The following GNL3 variants were observed in gnomAD, a reference collection of about 807,000 sequenced individuals.
The protein encoded by GNL3 is guanine nucleotide-binding protein-like 3.
GNL3 carries 77 observed loss-of-function variants against 70.6 expected under a neutral mutation model. The ratio of observed to expected loss-of-function variants is 1.09; its 90% CI spans 0.91 to 1.32. The LOEUF is 1.32. Among genes scored for constraint, GNL3 ranks in the 40% most tolerant of loss-of-function variants. The pLI, the probability that GNL3 is intolerant of heterozygous loss-of-function variation, is 0.00. For synonymous variants in GNL3, 252 were observed against 216.1 expected (o/e 1.17, Z -1.46); for missense variants, 634 against 644.0 (o/e 0.98, Z 0.17).
rs762894341 is a variant in GNL3 at position 52,686,057 on chromosome 3, C to T, written c.-36C>T. On this transcript the variant is annotated 5_prime_UTR_variant, in exon 1 of 15. Transcript: ENST00000418458. ...AGTTCACACGTGGCGCCAGCGGAGGCAGGTTGATGTGTTTGTGCTTCCTTC... is the reference window on the plus strand; with the variant it reads ...AGTTCACACGTGGCGCCAGCGGAGGTAGGTTGATGTGTTTGTGCTTCCTTC... 6.3e-6 allele frequency: 6 copies of T among 954,880 alleles called. No individual in the cohort carries two copies. Among genetic ancestry groups the T allele is most frequent in the Admixed American group, 1.7e-5 (1 of 59,248 alleles). The allele number at this position is 954,880 out of a possible 1,614,324, so 59.2% of individuals were successfully genotyped here.
chr3:52,693,627 C>T lies in GNL3; in HGVS notation c.1325-5C>T. ...CTGTTTACATGGGCTTGCTTTCTTTCCCAGCCATCAAGGGCCCTCATTTGG... is the reference window on the plus strand; with the variant it reads ...CTGTTTACATGGGCTTGCTTTCTTTTCCAGCCATCAAGGGCCCTCATTTGG... On this transcript the variant is annotated splice_region_variant and splice_polypyrimidine_tract_variant and intron_variant, in intron 12 of 14. Coordinates refer to ENST00000418458, the MANE Select transcript of GNL3 (RefSeq NM_014366.5). 13 of 1,613,758 alleles carry T rather than the reference C, an allele frequency of 8.1e-6. No homozygotes were observed. Among genetic ancestry groups the T allele is most frequent in the Non-Finnish European group, 1.1e-5 (13 of 1,179,782 alleles).
In GNL3 at chr3:52,691,530, A is replaced by G. The variant is rs977504837; in HGVS notation, c.782-12A>G. ...AATGCTTTTTATATCTGGATTTCCC[A>G]TTTATTTGTAGGTTTCCCAAATGTG... On this transcript the variant is annotated splice_polypyrimidine_tract_variant and intron_variant, in intron 8 of 14. Transcript: ENST00000418458. The G allele has an allele frequency of 4.8e-6, 7 of 1,473,504 alleles. No homozygotes were observed. In the Admixed American group the frequency reaches 6.9e-5, roughly 14 times the overall value. 91.3% of individuals were successfully genotyped at this position (1,473,504 alleles called of 1,614,324 possible). A position where few individuals can be genotyped will look rare whatever the true frequency, so the allele number is the denominator to read the frequency against.
intron 12 of GNL3, 33 bp from the exon 13 acceptor site, chr3:52,693,599 T>G: frequency 6.2e-7 from 1 of 1,613,844 alleles, no homozygotes; most frequent in Non-Finnish European, 8.5e-7. Flanking sequence ...GTGGAGCTCT[T>G]ACCTGTTTAC....
intron 6 of GNL3, among the ~76,000 whole-genome samples, chr3:52,690,297 G>A (rs2097326011): frequency 6.6e-6 from 1 of 152,022 alleles, no homozygotes; most frequent in Non-Finnish European, 1.5e-5. Flanking sequence ...GAGGCTTGCT[G>A]TGTCACCCAG....
At position 52,693,187 on chromosome 3, in the gene GNL3, G is replaced by T. The variant is rs1407817619; in HGVS notation, c.1045G>T (p.Val349Leu). ...TCCTTTGTTTGGTTTTTTTTTTAAG[G>T]TAGTACTGAAATATACTGTCCCAGG... is the stretch of plus-strand genomic sequence containing the variant. ...AILSQADARQ[V>L]VLKYTVPGYR... Residue 349 changes from valine (V) to leucine (L), a missense_variant and splice_region_variant, in exon 11 of 15, where the codon GTA (valine) becomes TTA (leucine). Physicochemically the swap from Val to Leu is conservative, Grantham distance 32 (BLOSUM62 1). Transcript: ENST00000418458. 1 of 1,600,104 alleles carries T rather than the reference G, an allele frequency of 6.2e-7. No homozygotes were observed. The highest frequency in any genetic ancestry group is 8.5e-7 in the Non-Finnish European group (1 of 1,175,892).
chr3:52,691,188 C>T (rs926000176), intron 8 of GNL3, 117 bp downstream of exon 8: 1 of 852,718 alleles, frequency 1.2e-6, no homozygotes, highest in Admixed American at 2.2e-5. Flanking sequence ...AAAAGGCTCA[C>T]TCAAATACTA....
In GNL3 at chr3:52,687,565, C is replaced by G; in HGVS notation, c.274C>G (p.Leu92Val). Residue 92 changes from leucine to valine, a missense_variant, in exon 4 of 15, where the codon CTT (leucine) becomes GTT (valine). By Grantham distance (32) the Leu-to-Val change is conservative. Coordinates refer to ENST00000418458, the MANE Select transcript of GNL3 (RefSeq NM_014366.5). ...RQKELEKKRKLETNPDIKPSN... is the reference protein window; with the variant it reads ...RQKELEKKRKVETNPDIKPSN... ...GAAGGAACTAGAAAAGAAAAGAAAA[C>G]TTGAAACTAATCCTGATATTAAGCC... 1 of 1,612,912 alleles carries G rather than the reference C, an allele frequency of 6.2e-7. No homozygotes were observed. Among genetic ancestry groups the G allele is most frequent in the Non-Finnish European group, 8.5e-7 (1 of 1,178,888 alleles).
intron 3 of GNL3, 58 bp from the exon 4 acceptor site, chr3:52,687,444 C>A: frequency 6.3e-7 from 1 of 1,598,004 alleles, no homozygotes; most frequent in Non-Finnish European, 8.6e-7. Context: ...TGATATTTTT[C>A]AGAGTAAGGT....
chr3:52,688,165 G>A lies in GNL3; in HGVS notation c.381G>A (p.Lys127=), dbSNP rs1451947362. The A allele has an allele frequency of 1.2e-6, 2 of 1,608,580 alleles. No individual in the cohort carries two copies. Among genetic ancestry groups the A allele is most frequent in the African/African-American group, 2.7e-5 (2 of 74,928 alleles). ...CCAAGTCGGGCAAACAGAATTCAAA[G>A]AAGCTGTACTGCCAAGAACTTAAAA... is the stretch of plus-strand genomic sequence containing the variant. ...NKAKSGKQNS[K]KLYCQELKKV... is the part of the protein sequence containing the mutation. Residue 127 remains lysine (K), a synonymous_variant, in exon 5 of 15, where the codon AAG becomes AAA. Transcript: ENST00000418458.
rs2154099857 is a variant in GNL3 at position 52,694,381 on chromosome 3, A to G, written c.*106A>G. 1.6e-6 allele frequency: 1 copy of G among 642,610 alleles called. No homozygotes were observed. Among genetic ancestry groups the G allele is most frequent in the Middle Eastern group, 4.3e-4 (1 of 2,338 alleles). 39.8% of individuals were successfully genotyped at this position (642,610 alleles called of 1,614,324 possible). On this transcript the variant is annotated 3_prime_UTR_variant, in exon 15 of 15. Transcript: ENST00000418458. ...CATGAGCTGTGTAAATTTTGTGAAT[A>G]TGTATTATATTAAAACCAGGCAACT... is the stretch of plus-strand genomic sequence containing the variant.
At chr3:52,693,944 C>A in intron 13 of GNL3, 93 bp from the exon 14 acceptor site, 1 of 1,309,030 alleles carries the variant, frequency 7.6e-7, no homozygotes, top group Non-Finnish European at 1.1e-6. Flanking sequence ...TTATATGTAC[C>A]TCCAAAGAGT....
chr3:52,688,260 T>A (rs1163426799), intron 5 of GNL3, 68 bp downstream of exon 5: 2 of 904,406 alleles, frequency 2.2e-6, no homozygotes, highest in Non-Finnish European at 1.8e-6. Flanking sequence ...ATTTTTTTTT[T>A]AACCTTTTAA....
In GNL3 at chr3:52,686,113, G is replaced by A. The variant is rs1426724426; in HGVS notation, c.13+8G>A. The stretch of plus-strand genomic sequence containing the variant: ...CCAATATGAAAAGGCCTAGTAAGTG[G>A]GGTCGGGAGGCGGGCGTGGAGGGAC... On this transcript the variant is annotated splice_region_variant and intron_variant, in intron 1 of 14. Transcript: ENST00000418458. The A allele has an allele frequency of 5.8e-6, 9 of 1,561,726 alleles. No homozygotes were observed. Among genetic ancestry groups the A allele is most frequent in the Non-Finnish European group, 3.5e-6 (4 of 1,133,530 alleles).
intron 6 of GNL3, 54 bp downstream of exon 6, chr3:52,689,260 A>G: frequency 6.7e-7 from 1 of 1,497,962 alleles, no homozygotes; most frequent in Non-Finnish European, 9.3e-7. Context: ...GGTACGAGGA[A>G]ACAGTCTGAT....
chr3:52,690,721 G>T lies in GNL3; in HGVS notation c.654+17G>T, dbSNP rs1489304819. ...ATAACCAAGGTATCCTTTATTAGTG[G>T]TAAGAAATGTGATTCTTTCAGATTT... is the stretch of plus-strand genomic sequence containing the variant. On this transcript the variant is annotated intron_variant, in intron 7 of 14. Transcript: ENST00000418458. 1.4e-6 allele frequency: 2 copies of T among 1,381,120 alleles called. No individual in the cohort carries two copies. Among genetic ancestry groups the T allele is most frequent in the East Asian group, 2.3e-5 (1 of 43,828 alleles). 85.6% of individuals were successfully genotyped at this position (1,381,120 alleles called of 1,614,324 possible). A position where few individuals can be genotyped will look rare whatever the true frequency, so the allele number is the denominator to read the frequency against.
Position 52,693,618 on chromosome 3 carries a change from G to T in GNL3, c.1325-14G>T. 2 of 1,613,868 alleles carry T rather than the reference G, an allele frequency of 1.2e-6. No homozygotes were observed. Among genetic ancestry groups the T allele is most frequent in the Middle Eastern group, 1.6e-4 (1 of 6,062 alleles). ...AGCTCTTACCTGTTTACATGGGCTT[G>T]CTTTCTTTCCCAGCCATCAAGGGCC... On this transcript the variant is annotated splice_polypyrimidine_tract_variant and intron_variant, in intron 12 of 14. Coordinates refer to ENST00000418458, the MANE Select transcript of GNL3 (RefSeq NM_014366.5).
intron 1 of GNL3, chr3:52,686,420 G>A: frequency 1.7e-6 from 1 of 576,278 alleles, no homozygotes; most frequent in South Asian, 2.1e-5. Context: ...GTGCAGACTG[G>A]CCCAGGTGAG....
chr3:52,691,401 G>C (rs2097327085), intron 8 of GNL3, 141 bp from the exon 9 acceptor site: 2 of 661,396 alleles, frequency 3.0e-6, no homozygotes, highest in Non-Finnish European at 5.4e-6. Context: ...ACTAAAATTG[G>C]TCTTAGTATT....
In GNL3 at chr3:52,688,148, G is replaced by C. The variant is rs750328816; in HGVS notation, c.364G>C (p.Gly122Arg). Residue 122 changes from glycine (G) to arginine (R), a missense_variant, in exon 5 of 15, where the codon GGC (glycine) becomes CGC (arginine). Physicochemically the swap from Gly to Arg is moderately radical, Grantham distance 125. Transcript: ENST00000418458. ...CAAAACTGAGAACAAAGCCAAGTCG[G>C]GCAAACAGAATTCAAAGAAGCTGTA... ...LCKTENKAKSGKQNSKKLYCQ... is the reference protein window; with the variant it reads ...LCKTENKAKSRKQNSKKLYCQ... 1.2e-6 allele frequency: 2 copies of C among 1,611,984 alleles called. No individual in the cohort carries two copies.
Sources: gnomAD v4.1 joint callset for allele counts (sites outside exome capture counted in the v4.1 genomes callset) on GRCh38, gnomAD v4.1.1 for gene constraint, MANE v1.5 for transcripts, NCBI Gene and HGNC (gene_info 2026-07-23, HGNC 2026-07-21) for gene names.